The following CATSPERE variants were observed in gnomAD, a reference collection of about 807,000 sequenced individuals.
The protein encoded by CATSPERE is cation channel sperm-associated auxiliary subunit epsilon.
CATSPERE carries 93 observed loss-of-function variants against 114.1 expected under a neutral mutation model. That is an observed-to-expected ratio of 0.81 (90% CI 0.69 to 0.97). The LOEUF (loss-of-function observed/expected upper bound fraction) is 0.97, where lower values mean the gene tolerates loss of function less well. Ranked by LOEUF, CATSPERE falls within the 50% of genes least tolerant of loss-of-function variation. The probability of loss-of-function intolerance (pLI) is 0.00; values close to 1 mark genes in which losing one functional copy is unlikely to be tolerated. For missense variants in CATSPERE, 1,058 were observed against 1,131.6 expected (o/e 0.93, Z 0.93); for synonymous variants, 341 against 384.1 (o/e 0.89, Z 1.31).
chr1:244,487,813 G>T lies in CATSPERE; in HGVS notation c.327-2634G>T, dbSNP rs73129788. Among the ~76,000 whole-genome samples the T allele has an allele frequency of 6.3e-3, 965 of 152,246 alleles. 10 individuals are homozygous for T. Among genetic ancestry groups the T allele is most frequent in the African/African-American group, 0.022 (919 of 41,532 alleles). On this transcript the variant is annotated intron_variant, in intron 5 of 21. Coordinates refer to ENST00000366534, the MANE Select transcript of CATSPERE (RefSeq NM_001130957.2). ...CAGCAGGAGGCGGGACTGTACGGGAGCCAAAACCCCTCGTCCCCAGTGCAT... is the reference window on the plus strand; with the variant it reads ...CAGCAGGAGGCGGGACTGTACGGGATCCAAAACCCCTCGTCCCCAGTGCAT...
In CATSPERE at chr1:244,560,814, C is replaced by T; in HGVS notation, c.1176C>T (p.Asp392=). The change falls in exon 10 of 22, where the codon GAC becomes GAT. Residue 392 remains aspartate (D), a synonymous_variant. Transcript: ENST00000366534. The stretch of plus-strand genomic sequence containing the variant: ...CGGTGACTGCTACTCTGACCATAGA[C>T]AGGGTTGAGTATACAGGACACCCTC... ...SLSVTATLTI[D]RVEYTGHPLE... is the part of the protein sequence containing the mutation. 1 of 1,614,018 alleles carries T rather than the reference C, an allele frequency of 6.2e-7. No individual in the cohort carries two copies. The highest frequency in any genetic ancestry group is 8.5e-7 in the Non-Finnish European group (1 of 1,179,964).
chr1:244,597,411 G>A (rs772457182), intron 17 of CATSPERE, among the ~76,000 whole-genome samples: 10 of 152,062 alleles, frequency 6.6e-5, no homozygotes, highest in Admixed American at 2.6e-4. Flanking sequence ...GAATTGACAC[G>A]GTTAATCATT....
intron 8 of CATSPERE, among the ~76,000 whole-genome samples, chr1:244,524,467 C>A (rs1181709358): frequency 6.6e-6 from 1 of 151,288 alleles, no homozygotes; most frequent in Non-Finnish European, 1.5e-5. Flanking sequence ...GCAATGGCAA[C>A]AAAAGACAAA....
At chr1:244,493,945 G>T (rs1672664252) in intron 6 of CATSPERE, among the ~76,000 whole-genome samples, 1 of 152,144 alleles carries the variant, frequency 6.6e-6, no homozygotes, top group South Asian at 2.1e-4. Flanking sequence ...TAAAAAGTCA[G>T]GAAACAACAG....
In CATSPERE at chr1:244,510,273, A is replaced by G. The variant is rs1314504969; in HGVS notation, c.430-8319A>G. On this transcript the variant is annotated intron_variant, in intron 7 of 21. Coordinates refer to ENST00000366534, the MANE Select transcript of CATSPERE (RefSeq NM_001130957.2). ...ATAGATTTTGATATGTTGTGTTTCT[A>G]TCTTCATTTGCGTCAAGGAATTTTT... Among the ~76,000 whole-genome samples, 4 of 152,208 alleles carry G rather than the reference A, an allele frequency of 2.6e-5. No individual in the cohort carries two copies. In the East Asian group the frequency reaches 7.7e-4, roughly 29 times the overall value.
chr1:244,490,553 G>A (rs1193487449), intron 6 of CATSPERE, 82 bp downstream of exon 6: 7 of 892,870 alleles, frequency 7.8e-6, no homozygotes, highest in Middle Eastern at 2.3e-4. Flanking sequence ...TTTACCAGAT[G>A]AGGAATTTTT....
In CATSPERE at chr1:244,479,792, A is replaced by G; in HGVS notation, c.326+8A>G. ...GTGGTACTATAGAGTTAGGTAAGTA[A>G]TGCAGTACTGAATAGGTAATTATGC... is the stretch of plus-strand genomic sequence containing the variant. On this transcript the variant is annotated splice_region_variant and intron_variant, in intron 5 of 21. Transcript: ENST00000366534. The G allele has an allele frequency of 1.3e-6, 2 of 1,503,450 alleles. No homozygotes were observed. Among genetic ancestry groups the G allele is most frequent in the Non-Finnish European group, 9.2e-7 (1 of 1,091,778 alleles). 93.1% of individuals were successfully genotyped at this position (1,503,450 alleles called of 1,614,324 possible). A position where few individuals can be genotyped will look rare whatever the true frequency, so the allele number is the denominator to read the frequency against.
intron 6 of CATSPERE, among the ~76,000 whole-genome samples, chr1:244,490,967 G>C (rs1238957046): frequency 6.6e-6 from 1 of 151,996 alleles, no homozygotes; most frequent in Non-Finnish European, 1.5e-5. Context: ...TAAAACAAAA[G>C]CCTTGTAGGA....
intron 8 of CATSPERE, 35 bp from the exon 9 acceptor site, chr1:244,552,287 G>C: frequency 6.4e-7 from 1 of 1,559,458 alleles, no homozygotes; most frequent in Non-Finnish European, 8.6e-7. Context: ...AGATGAGAGA[G>C]AGATCATTTT....
At chr1:244,612,842 A>C (rs1310931504) in intron 19 of CATSPERE, among the ~76,000 whole-genome samples, 1 of 152,134 alleles carries the variant, frequency 6.6e-6, no homozygotes, top group Non-Finnish European at 1.5e-5. Context: ...TTGTTTTCTA[A>C]GTGACTGGGT....
At chr1:244,495,637 C>T (rs1672963720) in intron 6 of CATSPERE, among the ~76,000 whole-genome samples, 1 of 152,168 alleles carries the variant, frequency 6.6e-6, no homozygotes, top group Non-Finnish European at 1.5e-5. Flanking sequence ...TGGAGAATCA[C>T]TTGAACCAGG....
At chr1:244,461,826 G>C (rs1274294386) in intron 1 of CATSPERE, among the ~76,000 whole-genome samples, 1 of 152,206 alleles carries the variant, frequency 6.6e-6, no homozygotes, top group Non-Finnish European at 1.5e-5. Flanking sequence ...TTGTCTGTTT[G>C]TTTTAGAGAC....
intron 8 of CATSPERE, among the ~76,000 whole-genome samples, chr1:244,524,882 C>T (rs1035700933): frequency 1.4e-5 from 2 of 146,872 alleles, no homozygotes; most frequent in Non-Finnish European, 3.0e-5. Flanking sequence ...CACTTTTACA[C>T]TGTTGGTGGG....
At position 244,552,717 on chromosome 1, in the gene CATSPERE, G is replaced by A. The variant is rs573139470; in HGVS notation, c.932G>A (p.Arg311His). ...GGTGTTCTTTACATAAAGAGTTTTC[G>A]TGGATTTATAAGACTGGGAGGAATT... ...INGVLYIKSF[R>H]GFIRLGGIVN... Residue 311 changes from arginine to histidine, a missense_variant, in exon 9 of 22, where the codon CGT (arginine) becomes CAT (histidine). Coordinates refer to ENST00000366534, the MANE Select transcript of CATSPERE (RefSeq NM_001130957.2). 4.3e-5 allele frequency: 69 copies of A among 1,614,044 alleles called. 2 individuals carry two copies. Among genetic ancestry groups the A allele is most frequent in the Middle Eastern group, 3.3e-4 (2 of 6,062 alleles).
At chr1:244,576,178 C>A (rs534318480) in intron 11 of CATSPERE, among the ~76,000 whole-genome samples, 1 of 152,136 alleles carries the variant, frequency 6.6e-6, no homozygotes, top group Admixed American at 6.5e-5. Flanking sequence ...CAGCCAGTTT[C>A]TTTCCATATT....
In CATSPERE at chr1:244,613,332, A is replaced by T. The variant is rs533917151; in HGVS notation, c.2490+3006A>T. Reference sequence around the variant, plus strand: ...CTTTTACTTATTTTTCATTAACCCAACATATTGTTTTATAAAAGTGCTACA... The same window carrying T: ...CTTTTACTTATTTTTCATTAACCCATCATATTGTTTTATAAAAGTGCTACA... On this transcript the variant is annotated intron_variant, in intron 19 of 21. Coordinates refer to ENST00000366534, the MANE Select transcript of CATSPERE (RefSeq NM_001130957.2). Among the ~76,000 whole-genome samples the T allele has an allele frequency of 4.5e-4, 69 of 152,350 alleles. 2 individuals are homozygous for T. In the South Asian group the frequency reaches 0.014, roughly 31 times the overall value.
At chr1:244,456,781 C>T (rs1359158080), upstream of CATSPERE, among the ~76,000 whole-genome samples, 4 of 152,190 alleles carry the variant, frequency 2.6e-5, no homozygotes, top group Non-Finnish European at 5.9e-5. Flanking sequence ...GCCTTATCTT[C>T]ACTTCTGTCT....
exon 1 of CATSPERE, chr1:244,454,539 T>C (rs1397932445): frequency 6.6e-6 from 1 of 151,272 alleles, no homozygotes; most frequent in Non-Finnish European, 1.5e-5. Context: ...GCAAGCAGGG[T>C]CATCAAAAGC....
intron 17 of CATSPERE, among the ~76,000 whole-genome samples, chr1:244,601,183 A>C (rs561965952): frequency 6.6e-6 from 1 of 152,282 alleles, no homozygotes; most frequent in South Asian, 2.1e-4. Flanking sequence ...TGGAGAGAGA[A>C]TTACTGAAAA....
Sources: gnomAD v4.1 joint callset for allele counts (sites outside exome capture counted in the v4.1 genomes callset) on GRCh38, gnomAD v4.1.1 for gene constraint, MANE v1.5 for transcripts, NCBI Gene and HGNC (gene_info 2026-07-23, HGNC 2026-07-21) for gene names.